SETX: variants seen among roughly 807,000 people sequenced by gnomAD.
SETX encodes the protein helicase senataxin.
In SETX, 90 loss-of-function variants were observed where a neutral mutation model predicts 227.2. The ratio of observed to expected loss-of-function variants is 0.40; its 90% CI spans 0.33 to 0.47. The LOEUF (loss-of-function observed/expected upper bound fraction) is 0.47. Ranked by LOEUF, SETX falls within the 20% of genes least tolerant of loss-of-function variation. The pLI is 0.91. For missense variants in SETX, 3,052 were observed against 3,181.5 expected (o/e 0.96, Z 0.98); for synonymous variants, 1,210 against 1,113.2 (o/e 1.09, Z -1.73).
chr9:132,302,957 G>C (rs1391772286), intron 11 of SETX, among the ~76,000 whole-genome samples: 1 of 152,254 alleles, frequency 6.6e-6, no homozygotes, highest in East Asian at 1.9e-4. Context: ...GTTATTCAAT[G>C]AGAAAGGCTA....
Position 132,264,885 on chromosome 9 carries a change from A to C in SETX, c.7388T>G (p.Leu2463Arg), listed in dbSNP as rs1842563761. Residue 2463 changes from leucine to arginine, a missense_variant, in exon 26 of 26, where the codon CTG becomes CGG. Leu to Arg is a moderately radical substitution (Grantham distance 102). Coordinates refer to ENST00000224140, the MANE Select transcript of SETX (RefSeq NM_015046.7). ...KNYRHDAVKI[L>R]KLKPVLQRSL... The stretch of plus-strand genomic sequence containing the variant: ...TCTCTGCAGCACAGGCTTGAGTTTC[A>C]GAATCTTCACTGCATCATGTCTATA... The C allele has an allele frequency of 6.2e-7, 1 of 1,614,062 alleles. No homozygotes were observed. The highest frequency in any genetic ancestry group is 8.5e-7 in the Non-Finnish European group (1 of 1,179,926).
intron 11 of SETX, among the ~76,000 whole-genome samples, chr9:132,301,029 G>A (rs1324277963): frequency 6.8e-6 from 1 of 147,710 alleles, no homozygotes; most frequent in African/African-American, 2.5e-5. Context: ...GGCCAAAATA[G>A]ACAAAACTAT....
At position 132,264,844 on chromosome 9, in the gene SETX, G is replaced by C. The variant is rs761790732; in HGVS notation, c.7429C>G (p.Pro2477Ala). ...CTGGACCCCTCTGGGGCTATGGTAG[G>C]AGGGTGAGTGAGACTTCTCTGCAGC... ...PVLQRSLTHPPTIAPEGSRPQ... is the reference protein window; with the variant it reads ...PVLQRSLTHPATIAPEGSRPQ... The change falls in exon 26 of 26, where the codon CCT (proline) becomes GCT (alanine). Residue 2477 changes from proline (P) to alanine (A), a missense_variant. Around this residue, in one of 10 missense-constraint regions of SETX, gnomAD observed 294 missense variants for 278.8 expected, o/e 1.05. Transcript: ENST00000224140. 6.2e-7 allele frequency: 1 copy of C among 1,614,190 alleles called. No homozygotes were observed. Among genetic ancestry groups the C allele is most frequent in the South Asian group, 1.1e-5 (1 of 91,086 alleles).
At chr9:132,275,027 AATTCCACT>A in intron 23 of SETX, 1 of 543,568 alleles carries the variant, frequency 1.8e-6, no homozygotes, top group Non-Finnish European at 3.3e-6. Flanking sequence ...TTTCTTAGTC[AATTCCACT>A]GCCAAGGAGA....
At chr9:132,282,100 A>T (rs1664246279) in intron 19 of SETX, among the ~76,000 whole-genome samples, 1 of 145,690 alleles carries the variant, frequency 6.9e-6, no homozygotes, top group Non-Finnish European at 1.5e-5. Flanking sequence ...AAACATGTCT[A>T]AAAAAAAAAT....
intron 19 of SETX, 138 bp downstream of exon 19, chr9:132,283,126 G>T: frequency 2.9e-6 from 3 of 1,052,444 alleles, no homozygotes; most frequent in South Asian, 2.7e-5. Flanking sequence ...CTACATAAGG[G>T]AATACACAGG....
intron 7 of SETX, among the ~76,000 whole-genome samples, chr9:132,334,009 A>C (rs1431880976): frequency 6.6e-6 from 1 of 152,148 alleles, no homozygotes; most frequent in Non-Finnish European, 1.5e-5. Flanking sequence ...GGGACAGAGA[A>C]GGCTTACCCC....
rs778662049 is a variant in SETX, at chr9:132,298,166, G to A, written c.5695C>T (p.Arg1899Trp). Residue 1899 changes from arginine (R) to tryptophan (W), a missense_variant, in exon 13 of 26, where the codon CGG becomes TGG. Coordinates refer to ENST00000224140, the MANE Select transcript of SETX (RefSeq NM_015046.7). ...KLKAMSLLGS[R>W]NQLARAVLNP... Reference sequence around the variant, plus strand: ...AGAACAGCTCTAGCCAGTTGGTTCCGACTACCCAACAGAGACATGGCTTTC... The same window carrying A: ...AGAACAGCTCTAGCCAGTTGGTTCCAACTACCCAACAGAGACATGGCTTTC... 6.2e-7 allele frequency: 1 copy of A among 1,614,004 alleles called. No individual in the cohort carries two copies. The highest frequency in any genetic ancestry group is 8.5e-7 in the Non-Finnish European group (1 of 1,179,976).
Position 132,263,029 on chromosome 9 carries a change from T to C in SETX, c.*1210A>G, listed in dbSNP as rs1842471609. ...TCTCCATTCACCATGACCAATTTTT[T>C]CCCCCACAAAAGCACTATCACCTCT... On this transcript the variant is annotated 3_prime_UTR_variant, in exon 26 of 26. Transcript: ENST00000224140. 6.6e-6 allele frequency: 1 copy of C among 152,100 alleles called. No homozygotes were observed. The highest frequency in any genetic ancestry group is 1.5e-5 in the Non-Finnish European group (1 of 68,028). The allele number at this position is 152,100 out of a possible 1,614,324, so 9.4% of individuals were successfully genotyped here.
Position 132,331,422 on chromosome 9 carries a change from C to T in SETX, c.865G>A (p.Ala289Thr), listed in dbSNP as rs775579797. The change falls in exon 8 of 26, where the codon GCG (alanine) becomes ACG (threonine). Residue 289 changes from alanine (A) to threonine (T), a missense_variant. By Grantham distance (58) the Ala-to-Thr change is moderately conservative. This residue lies in a region of SETX where 239 missense variants were observed against 240.8 expected (regional missense o/e 0.99). Transcript: ENST00000224140. ...DDDSVDPFWP[A>T]LHCFMVILDR... ...AGAATCACCATAAAACAGTGTAACG[C>T]TGGCCAGAAAGGATCCACACTATCA... 4.0e-5 allele frequency: 65 copies of T among 1,613,828 alleles called. No homozygotes were observed. Among genetic ancestry groups the T allele is most frequent in the Non-Finnish European group, 5.4e-5 (64 of 1,179,976 alleles).
chr9:132,281,733 A>C lies in SETX; in HGVS notation c.6547-159T>G, dbSNP rs557839573. 5.3e-5 allele frequency among the ~76,000 whole-genome samples: 8 copies of C among 152,314 alleles called. No homozygotes were observed. The South Asian group carries it at 1.4e-3, about 28-fold the overall frequency. On this transcript the variant is annotated intron_variant, in intron 19 of 25. Coordinates refer to ENST00000224140, the MANE Select transcript of SETX (RefSeq NM_015046.7). ...TTCCCTGAAAACAAAAAAACAAAAC[A>C]AAACCAACAAAATAAACCCTCCAGG... is the stretch of plus-strand genomic sequence containing the variant.
At chr9:132,314,164 C>T (rs1054604721) in intron 10 of SETX, among the ~76,000 whole-genome samples, 4 of 152,126 alleles carry the variant, frequency 2.6e-5, no homozygotes, top group Non-Finnish European at 5.9e-5. Context: ...GCGATCTCGG[C>T]TCACCACAAC....
chr9:132,269,779 A>C, intron 24 of SETX, 77 bp from the exon 25 acceptor site: 1 of 1,431,938 alleles, frequency 7.0e-7, no homozygotes, highest in South Asian at 1.1e-5. Context: ...TGGACTCTAG[A>C]ATGACTCAAC....
chr9:132,307,178 T>C (rs1315833780), intron 11 of SETX, among the ~76,000 whole-genome samples: 1 of 152,022 alleles, frequency 6.6e-6, no homozygotes, highest in Non-Finnish European at 1.5e-5. Flanking sequence ...TTGCTTGAAC[T>C]CGGGAGACAG....
intron 25 of SETX, chr9:132,269,311 A>C: frequency 1.1e-6 from 1 of 910,988 alleles, no homozygotes; most frequent in Non-Finnish European, 1.5e-6. Context: ...ACTAAGTGCC[A>C]AGCAATTGCT....
chr9:132,289,551 TATTGAGGCTG>T lies in SETX; in HGVS notation c.6107-910_6107-901del, dbSNP rs1844159410. Among the ~76,000 whole-genome samples the T allele has an allele frequency of 2.0e-5, 3 of 152,276 alleles. No individual in the cohort carries two copies. The South Asian group carries it at 6.2e-4, about 32-fold the overall frequency. ...TGCACTTCGGGTACCCTACGGGTGG[TATTGAGGCTG>T]ATCCCCAACACTCTTAACTGCAGAA... On this transcript the variant is annotated intron_variant, in intron 15 of 25. Transcript: ENST00000224140.
chr9:132,335,194 T>G (rs553972282), intron 6 of SETX, among the ~76,000 whole-genome samples: 77 of 151,606 alleles, frequency 5.1e-4, no homozygotes, highest in Non-Finnish European at 8.4e-4. Context: ...ATCGAGACCA[T>G]CCTGGCTAAC....
At chr9:132,305,864 A>G (rs1845305365) in intron 11 of SETX, among the ~76,000 whole-genome samples, 1 of 152,190 alleles carries the variant, frequency 6.6e-6, no homozygotes, top group African/African-American at 2.4e-5. Context: ...TATAATATGA[A>G]TAAGGTCTAA....
chr9:132,335,137 T>C (rs1028264670), intron 6 of SETX, among the ~76,000 whole-genome samples: 11 of 151,982 alleles, frequency 7.2e-5, no homozygotes, highest in Non-Finnish European at 1.3e-4. Context: ...ACACCTGTAA[T>C]CCCAGCACTT....
Sources: gnomAD v4.1 joint callset for allele counts (sites outside exome capture counted in the v4.1 genomes callset) on GRCh38, gnomAD v4.1.1 for gene constraint, gnomAD v4.1.1 regional missense constraint, MANE v1.5 for transcripts, NCBI Gene and HGNC (gene_info 2026-07-23, HGNC 2026-07-21) for gene names.